Variants in ANKRD44 observed in about 807,000 individuals in gnomAD.
The protein encoded by ANKRD44 is serine/threonine-protein phosphatase 6 regulatory ankyrin repeat subunit B.
ANKRD44 carries 35 observed loss-of-function variants against 116.0 expected under a neutral mutation model. The ratio of observed to expected loss-of-function variants is 0.30; its 90% confidence interval spans 0.23 to 0.40. ANKRD44 has a LOEUF of 0.40. Among genes scored for constraint, ANKRD44 ranks in the 10% least tolerant of loss-of-function variants. The pLI is 1.00. For synonymous variants in ANKRD44, 435 were observed against 461.8 expected, an observed-to-expected ratio of 0.94 and a Z score of 0.74; for missense variants, 1,014 against 1,242.6, an observed-to-expected ratio of 0.82 and a Z score of 2.77.
intron 13 of ANKRD44, among the ~76,000 whole-genome samples, chr2:197,086,361 A>G (rs1413014232): frequency 6.6e-6 from 1 of 152,184 alleles, no homozygotes; most frequent in Admixed American, 6.5e-5. Flanking sequence ...TCTTAAGACT[A>G]GGATTTATGT....
At chr2:197,031,204 TATACAGGAAAACAAAAA>T (rs1202158872) in intron 16 of ANKRD44, among the ~76,000 whole-genome samples, 2 of 152,030 alleles carry the variant, frequency 1.3e-5, no homozygotes, top group Non-Finnish European at 1.5e-5. Flanking sequence ...CATGACTATA[TATACAGGAAAACAAAAA>T]GCCTAGACAT....
intron 1 of ANKRD44, chr2:197,263,363 C>T (rs759187230): frequency 2.2e-5 from 14 of 638,416 alleles, no homozygotes; most frequent in South Asian, 4.9e-5. Context: ...GTTGGGGTGG[C>T]GGGCTCTGGG....
chr2:197,080,449 C>T (rs947659107), intron 15 of ANKRD44, among the ~76,000 whole-genome samples: 2 of 152,210 alleles, frequency 1.3e-5, no homozygotes, highest in African/African-American at 2.4e-5. Context: ...AACTCTCAGG[C>T]AGCTGGTTCC....
intron 16 of ANKRD44, among the ~76,000 whole-genome samples, chr2:197,063,247 C>G (rs1490257149): frequency 1.3e-5 from 2 of 152,206 alleles, no homozygotes; most frequent in African/African-American, 2.4e-5. Flanking sequence ...AAGGTCCTGA[C>G]TGTTAGAAGG....
At chr2:197,238,777 T>C (rs1249284461) in intron 1 of ANKRD44, among the ~76,000 whole-genome samples, 1 of 151,924 alleles carries the variant, frequency 6.6e-6, no homozygotes, top group Non-Finnish European at 1.5e-5. Context: ...CGATCTCAGC[T>C]CACTGCAACC....
chr2:197,248,487 C>T (rs1256066729), intron 1 of ANKRD44, among the ~76,000 whole-genome samples: 2 of 151,060 alleles, frequency 1.3e-5, no homozygotes, highest in Non-Finnish European at 2.9e-5. Context: ...TATAGTTCCT[C>T]CGTGATCATG....
rs76027295 is a variant in ANKRD44, at chr2:197,026,971, T to C, written c.1651-1704A>G. Among the ~76,000 whole-genome samples the C allele has an allele frequency of 5.2e-3, 785 of 152,090 alleles. 14 individuals are homozygous for C. The highest frequency in any genetic ancestry group is 0.039 in the Admixed American group (603 of 15,272). On this transcript the variant is annotated intron_variant, in intron 16 of 27. Transcript: ENST00000282272. ...ACGGAAACATGAAGGTACCATGACC[T>C]GAGATGAAGAAGGCTGTGAGTGGGA...
chr2:197,164,314 G>T lies in ANKRD44; in HGVS notation c.112-17209C>A, dbSNP rs557937173. On this transcript the variant is annotated intron_variant, in intron 2 of 27. Coordinates refer to ENST00000282272, the MANE Select transcript of ANKRD44 (RefSeq NM_001195144.2). ...TGCCTGCGGTTCTTGACCCCTCTCTGGCAGCACAAGGTCAAAGGTGTGGGG... is the reference window on the plus strand; with the variant it reads ...TGCCTGCGGTTCTTGACCCCTCTCTTGCAGCACAAGGTCAAAGGTGTGGGG... Among the ~76,000 whole-genome samples, 786 of 152,268 alleles carry T rather than the reference G, an allele frequency of 5.2e-3. 5 individuals are homozygous for T. The highest frequency in any genetic ancestry group is 0.018 in the African/African-American group (729 of 41,566).
chr2:197,160,932 A>C (rs1260020401), intron 2 of ANKRD44, among the ~76,000 whole-genome samples: 1 of 152,220 alleles, frequency 6.6e-6, no homozygotes, highest in Non-Finnish European at 1.5e-5. Context: ...CTATGTTATC[A>C]ATAGAAGCCC....
At chr2:196,994,480 C>T (rs796923694) in intron 26 of ANKRD44, 1 of 152,034 alleles carries the variant, frequency 6.6e-6, no homozygotes, top group Non-Finnish European at 1.5e-5. Flanking sequence ...GCCACGACAC[C>T]CAGCCAACAG....
chr2:197,227,249 A>C (rs2081739104), intron 1 of ANKRD44, among the ~76,000 whole-genome samples: 1 of 152,246 alleles, frequency 6.6e-6, no homozygotes. Context: ...CTTCATATAA[A>C]GAAATGGCTT....
chr2:197,228,593 A>G (rs1199919092), intron 1 of ANKRD44, among the ~76,000 whole-genome samples: 1 of 152,146 alleles, frequency 6.6e-6, no homozygotes, highest in Non-Finnish European at 1.5e-5. Flanking sequence ...TGCTAAGTGT[A>G]TTTCTCAAGG....
chr2:197,164,458 G>C (rs1427571536), intron 2 of ANKRD44, among the ~76,000 whole-genome samples: 1 of 152,212 alleles, frequency 6.6e-6, no homozygotes, highest in Non-Finnish European at 1.5e-5. Context: ...GTGGGGTCGG[G>C]CAGGTCGCAC....
In ANKRD44 at chr2:197,121,509, A is replaced by C. The variant is rs780366728; in HGVS notation, c.729T>G (p.Leu243=). Residue 243 remains leucine, a synonymous_variant, in exon 8 of 28, where the codon CTT becomes CTG. Coordinates refer to ENST00000282272, the MANE Select transcript of ANKRD44 (RefSeq NM_001195144.2). ...CCTGTCCATTGTAGCAGGCGATGTGAAGCGCTGTATTTCCATAGACATTGA... is the reference window on the plus strand; with the variant it reads ...CCTGTCCATTGTAGCAGGCGATGTGCAGCGCTGTATTTCCATAGACATTGA... ...DEINVYGNTA[L]HIACYNGQDA... is the part of the protein sequence containing the mutation. 2 of 1,614,088 alleles carry C rather than the reference A, an allele frequency of 1.2e-6. No homozygotes were observed.
chr2:197,308,490 C>T (rs760214443), intron 1 of ANKRD44, among the ~76,000 whole-genome samples: 2 of 152,182 alleles, frequency 1.3e-5, no homozygotes, highest in African/African-American at 2.4e-5. Flanking sequence ...CACCCCACCC[C>T]ACCCAGGCCA....
chr2:197,179,643 G>A (rs1559128320), intron 2 of ANKRD44, among the ~76,000 whole-genome samples: 1 of 152,188 alleles, frequency 6.6e-6, no homozygotes, highest in Non-Finnish European at 1.5e-5. Context: ...TCTCTAGTAT[G>A]TGAGGGTACA....
chr2:197,188,019 G>GA (rs201376679), intron 1 of ANKRD44, among the ~76,000 whole-genome samples: 4,939 of 152,198 alleles, frequency 0.032, 114 homozygotes, highest in Non-Finnish European at 0.05. Flanking sequence ...CTTTTGTGTC[G>GA]GTATTTGGAA....
chr2:197,291,376 G>C (rs182130737), intron 1 of ANKRD44, among the ~76,000 whole-genome samples: 3 of 152,236 alleles, frequency 2.0e-5, no homozygotes, highest in Admixed American at 6.5e-5. Flanking sequence ...TGGGCATGGT[G>C]GTGGGCCCCT....
chr2:197,119,150 T>C (rs924336625), intron 8 of ANKRD44, among the ~76,000 whole-genome samples: 1 of 131,826 alleles, frequency 7.6e-6, no homozygotes, highest in Non-Finnish European at 1.7e-5. Context: ...TTTATTGTTG[T>C]TGTTTTGTTT....
Sources: gnomAD v4.1 joint callset for allele counts (sites outside exome capture counted in the v4.1 genomes callset) on GRCh38, gnomAD v4.1.1 for gene constraint, MANE v1.5 for transcripts, NCBI Gene and HGNC (gene_info 2026-07-23, HGNC 2026-07-21) for gene names.